ZDHHC11: variants seen among roughly 807,000 people sequenced by gnomAD.
ZDHHC11 encodes the protein zDHHC palmitoyltransferase 11, also known as palmitoyltransferase ZDHHC11.
In ZDHHC11, 44 loss-of-function variants were observed where a neutral mutation model predicts 51.3. That is an observed-to-expected ratio of 0.86 (90% confidence interval 0.67 to 1.10). The LOEUF is 1.10. Among genes scored for constraint, ZDHHC11 ranks in the 50% least tolerant of loss-of-function variants. The pLI is 0.00. For missense variants in ZDHHC11, 400 were observed against 537.7 expected (o/e 0.74, Z 2.53); for synonymous variants, 163 against 222.0 (o/e 0.73, Z 2.36).
rs1411931988 is a variant in ZDHHC11 at position 824,807 on chromosome 5, G to C, written c.1023+357C>G. 4.6e-5 allele frequency among the ~76,000 whole-genome samples: 7 copies of C among 150,646 alleles called. No homozygotes were observed. The East Asian group carries it at 1.3e-3, about 29-fold the overall frequency. On this transcript the variant is annotated intron_variant, in intron 8 of 12. Transcript: ENST00000283441. ...AAAACAGCACATGGCTTCTGCCATG[G>C]CTACCAATTTCCCTCCATCCTTTAT...
chr5:819,261 C>T (rs1473528277), intron 10 of ZDHHC11, among the ~76,000 whole-genome samples: 22 of 151,592 alleles, frequency 1.5e-4, no homozygotes, highest in African/African-American at 4.1e-4. Flanking sequence ...TGCCCATCAC[C>T]GCAGCCTGAT....
intron 6 of ZDHHC11, among the ~76,000 whole-genome samples, chr5:836,456 C>T (rs1220493154): frequency 4.7e-5 from 7 of 150,470 alleles, no homozygotes; most frequent in East Asian, 3.9e-4. Flanking sequence ...CCTGAATGTA[C>T]TGGCTTATGA....
At chr5:808,988 C>A (rs1277887894) in intron 11 of ZDHHC11, among the ~76,000 whole-genome samples, 1 of 111,286 alleles carries the variant, frequency 9.0e-6, no homozygotes, top group Non-Finnish European at 1.6e-5. Flanking sequence ...ATCAGTTACA[C>A]ACACACACAC....
At chr5:827,641 A>C (rs1157895454) in intron 7 of ZDHHC11, among the ~76,000 whole-genome samples, 2 of 151,486 alleles carry the variant, frequency 1.3e-5, no homozygotes, top group African/African-American at 4.9e-5. Context: ...AAAGAGCAAC[A>C]TTATACGATG....
intron 5 of ZDHHC11, among the ~76,000 whole-genome samples, chr5:838,727 T>C (rs542949328): frequency 1.3e-5 from 2 of 152,298 alleles, no homozygotes; most frequent in South Asian, 4.1e-4. Flanking sequence ...GTGCAGTGCC[T>C]GGCTCAGAGG....
intron 5 of ZDHHC11, chr5:840,249 G>T: frequency 1.4e-6 from 1 of 738,110 alleles, no homozygotes; most frequent in Non-Finnish European, 2.4e-6. Context: ...CTCGGCGTGA[G>T]TTCAGCTTCT....
At chr5:812,514 G>T (rs1740233800) in intron 11 of ZDHHC11, among the ~76,000 whole-genome samples, 1 of 151,518 alleles carries the variant, frequency 6.6e-6, no homozygotes, top group South Asian at 2.1e-4. Context: ...AATGCACATT[G>T]AAACAATTAA....
Position 850,593 on chromosome 5 carries a change from G to A in ZDHHC11, c.10C>T (p.Arg4Cys), listed in dbSNP as rs760192700. The A allele has an allele frequency of 3.2e-5, 51 of 1,613,132 alleles. No homozygotes were observed. Among genetic ancestry groups the A allele is most frequent in the Non-Finnish European group, 4.2e-5 (49 of 1,179,984 alleles). Residue 4 changes from arginine to cysteine, a missense_variant, in exon 1 of 13, where the codon CGC becomes TGC. This residue lies in a region of ZDHHC11 where 119 missense variants were observed against 99.6 expected (regional missense o/e 1.20). Transcript: ENST00000283441. ...GTGACGGAACACTGGCTCCCGGAGC[G>A]GGTGTCCATCTGCAGGACACAGAAG... MDT[R>C]SGSQCSVTPE...
At chr5:844,280 G>C (rs1385045474) in intron 3 of ZDHHC11, among the ~76,000 whole-genome samples, 2 of 152,296 alleles carry the variant, frequency 1.3e-5, no homozygotes, top group Non-Finnish European at 2.9e-5. Context: ...CGACAATTCA[G>C]GCAGCGCTTC....
upstream of ZDHHC11, among the ~76,000 whole-genome samples, chr5:859,825 A>G (rs146898463): frequency 6.7e-3 from 1,012 of 152,126 alleles, 12 homozygotes; most frequent in African/African-American, 0.023. Flanking sequence ...TCAGTACTCA[A>G]GGCATTTCCA....
Position 827,784 on chromosome 5 carries a change from C to G in ZDHHC11, c.936-2533G>C, listed in dbSNP as rs186945206. 3.3e-3 allele frequency among the ~76,000 whole-genome samples: 487 copies of G among 148,732 alleles called. 18 individuals carry two copies. Among genetic ancestry groups the G allele is most frequent in the Non-Finnish European group, 4.6e-3 (312 of 67,136 alleles). ...ATTGATCATTCTTGGGTGTTTCTCA[C>G]AGAGGGGGATTTGGCAGGGTCATAG... On this transcript the variant is annotated intron_variant, in intron 7 of 12. Transcript: ENST00000283441.
At chr5:805,011 A>C (rs940343766) in intron 11 of ZDHHC11, among the ~76,000 whole-genome samples, 1 of 151,448 alleles carries the variant, frequency 6.6e-6, no homozygotes, top group Non-Finnish European at 1.5e-5. Context: ...TATATAATTT[A>C]AAAGTCAAAT....
intron 4 of ZDHHC11, among the ~76,000 whole-genome samples, chr5:843,184 C>T (rs1473440529): frequency 6.6e-6 from 1 of 152,290 alleles, no homozygotes. Flanking sequence ...GCCTACAGCC[C>T]AGCACCCTCA....
intron 3 of ZDHHC11, among the ~76,000 whole-genome samples, chr5:846,703 C>T (rs541348362): frequency 4.8e-5 from 7 of 146,918 alleles, no homozygotes; most frequent in South Asian, 2.2e-4. Context: ...AAACACCTCT[C>T]GTCCTTGAGC....
chr5:813,794 A>G (rs1472199851), intron 11 of ZDHHC11, among the ~76,000 whole-genome samples: 2 of 147,304 alleles, frequency 1.4e-5, no homozygotes, highest in Admixed American at 1.3e-4. Context: ...TGGGAGGAAT[A>G]TGGCAGGCAG....
intron 8 of ZDHHC11, 26 bp from the exon 9 acceptor site, chr5:821,921 T>C (rs756347110): frequency 7.5e-6 from 12 of 1,590,732 alleles, no homozygotes; most frequent in East Asian, 4.5e-5. Context: ...GCAAAATTCA[T>C]AGAATGAATT....
chr5:854,415 GC>G (rs1747818954), upstream of ZDHHC11, among the ~76,000 whole-genome samples: 9 of 147,038 alleles, frequency 6.1e-5, no homozygotes, highest in African/African-American at 7.6e-5. Context: ...GAGCCGGGGG[GC>G]ACAGACCCTA....
intron 4 of ZDHHC11, among the ~76,000 whole-genome samples, chr5:842,914 T>C (rs1745274459): frequency 6.6e-6 from 1 of 152,230 alleles, no homozygotes; most frequent in Non-Finnish European, 1.5e-5. Context: ...TCTGTGTCTC[T>C]CCTTTCTCTT....
chr5:819,709 A>AGT, intron 9 of ZDHHC11, 97 bp from the exon 10 acceptor site: 1 of 1,279,934 alleles, frequency 7.8e-7, no homozygotes, highest in African/African-American at 1.4e-5. Flanking sequence ...GCACCACTGC[A>AGT]GTGGGGCCCA....
Sources: allele counts gnomAD v4.1 joint callset (sites outside exome capture counted in the v4.1 genomes callset), GRCh38; gene constraint gnomAD v4.1.1; regional missense constraint gnomAD v4.1.1; transcripts MANE v1.5; gene names NCBI Gene and HGNC (gene_info 2026-07-23, HGNC 2026-07-21).